Variants in FAM20C observed in about 807,000 individuals in gnomAD.
FAM20C encodes extracellular serine/threonine protein kinase FAM20C.
FAM20C carries 40 observed loss-of-function variants against 51.5 expected under a neutral mutation model. The observed-to-expected ratio is 0.78, with a 90% CI of 0.60 to 1.01. FAM20C has a LOEUF of 1.01. Ranked by LOEUF, FAM20C falls within the 50% of genes least tolerant of loss-of-function variation. The probability of loss-of-function intolerance (pLI) is 0.00; values close to 1 mark genes in which losing one functional copy is unlikely to be tolerated. For missense variants in FAM20C, 861 were observed against 844.7 expected (o/e 1.02, Z -0.24); for synonymous variants, 406 against 380.6 (o/e 1.07, Z -0.78).
intron 5 of FAM20C, among the ~76,000 whole-genome samples, chr7:253,396 G>T (rs187852124): frequency 1.3e-5 from 2 of 152,224 alleles, no homozygotes; most frequent in Non-Finnish European, 2.9e-5. Flanking sequence ...GCCTGTCTGC[G>T]CTCTCCGGGA....
In FAM20C at chr7:218,877, C is replaced by T. The variant is rs910006650; in HGVS notation, c.863+9901C>T. Among the ~76,000 whole-genome samples the T allele has an allele frequency of 3.4e-5, 5 of 149,238 alleles. 1 individual carries two copies. Among genetic ancestry groups the T allele is most frequent in the Non-Finnish European group, 5.9e-5 (4 of 67,256 alleles). ...CCAGGACGCACAGATCACTCCTGTC[C>T]GGCCGGGAGCTGACACGGGCCCAGG... is the stretch of plus-strand genomic sequence containing the variant. On this transcript the variant is annotated intron_variant, in intron 3 of 9. Transcript: ENST00000313766.
Position 195,479 on chromosome 7 carries a change from G to A in FAM20C, c.606-75G>A, listed in dbSNP as rs976448272. 5.2e-5 allele frequency: 68 copies of A among 1,319,544 alleles called. No individual in the cohort carries two copies. The African/African-American group carries it at 8.0e-4, about 15-fold the overall frequency. 81.7% of individuals were successfully genotyped at this position (1,319,544 alleles called of 1,614,324 possible). ...ACCCAAAGTTAAAAACACTGGCGTCGGTGCCCTCTCCCCGTCATCCGACTC... is the reference window on the plus strand; with the variant it reads ...ACCCAAAGTTAAAAACACTGGCGTCAGTGCCCTCTCCCCGTCATCCGACTC... On this transcript the variant is annotated intron_variant, in intron 1 of 9. Coordinates refer to ENST00000313766, the MANE Select transcript of FAM20C (RefSeq NM_020223.4).
intron 2 of FAM20C, chr7:197,101 T>C (rs1051514207): frequency 6.0e-6 from 1 of 167,070 alleles, no homozygotes; most frequent in Non-Finnish European, 1.5e-5. Flanking sequence ...AAATATCCGA[T>C]GCATTGATCA....
intron 6 of FAM20C, chr7:256,328 G>C: frequency 1.7e-6 from 1 of 573,834 alleles, no homozygotes; most frequent in Non-Finnish European, 3.1e-6. Flanking sequence ...CACTCCTGCG[G>C]GAGAAACGGC....
chr7:257,170 G>T, intron 8 of FAM20C, 84 bp downstream of exon 8: 3 of 1,290,424 alleles, frequency 2.3e-6, no homozygotes, highest in Non-Finnish European at 3.2e-6. Context: ...CCCTGGGGAC[G>T]GGGGGAGCAG....
chr7:258,207 CCACTGACTGGGGTGCTGGAGATGGGT>C (rs1562401623), intron 8 of FAM20C, among the ~76,000 whole-genome samples: 1 of 142,292 alleles, frequency 7.0e-6, no homozygotes, highest in African/African-American at 2.9e-5. Context: ...CAGGGTGGAC[CCACTGACTGGGGTGCTGGAGATGGGT>C]GGGGTGGACC....
intron 1 of FAM20C, 26 bp downstream of exon 1, chr7:193,830 C>T: frequency 8.4e-6 from 13 of 1,547,336 alleles, no homozygotes; most frequent in East Asian, 4.9e-5. Flanking sequence ...CAGGTGCCCA[C>T]CCCCAAGGGA....
intron 3 of FAM20C, chr7:227,898 C>T (rs945148474): frequency 3.9e-5 from 6 of 152,840 alleles, no homozygotes; most frequent in East Asian, 1.9e-4. Context: ...TTAAATTGAC[C>T]GTAAGAGGTT....
intron 2 of FAM20C, among the ~76,000 whole-genome samples, chr7:203,843 A>G (rs1244780135): frequency 2.0e-5 from 3 of 152,184 alleles, no homozygotes; most frequent in African/African-American, 7.2e-5. Context: ...CCCTGGAAGG[A>G]GCTGATGAGC....
chr7:253,977 T>TATA (rs1788499317), intron 5 of FAM20C, among the ~76,000 whole-genome samples: 2 of 152,226 alleles, frequency 1.3e-5, no homozygotes, highest in African/African-American at 4.8e-5. Flanking sequence ...CCGACTAATC[T>TATA]GTATCAGCAC....
At chr7:200,671 G>T (rs1022743128) in intron 2 of FAM20C, among the ~76,000 whole-genome samples, 1 of 152,220 alleles carries the variant, frequency 6.6e-6, no homozygotes, top group African/African-American at 2.4e-5. Flanking sequence ...AATAAAAGGG[G>T]CCTTGAAGAA....
chr7:218,073 C>G (rs971700562), intron 3 of FAM20C, among the ~76,000 whole-genome samples: 1 of 152,192 alleles, frequency 6.6e-6, no homozygotes, highest in African/African-American at 2.4e-5. Flanking sequence ...ACGCTCAGGC[C>G]TGCTGCCTGT....
intron 2 of FAM20C, among the ~76,000 whole-genome samples, chr7:207,826 C>A (rs537437870): frequency 6.6e-6 from 1 of 152,226 alleles, no homozygotes; most frequent in South Asian, 2.1e-4. Context: ...TGCCCCAGGC[C>A]GAGGCCAGCC....
chr7:195,461 G>C (rs1785812740), intron 1 of FAM20C, 93 bp from the exon 2 acceptor site: 1 of 1,264,352 alleles, frequency 7.9e-7, no homozygotes, highest in Non-Finnish European at 1.0e-6. Context: ...TGAACCCAAA[G>C]TTAAAAACAC....
At chr7:242,755 C>A (rs1388559385) in intron 3 of FAM20C, among the ~76,000 whole-genome samples, 1 of 152,160 alleles carries the variant, frequency 6.6e-6, no homozygotes, top group Non-Finnish European at 1.5e-5. Context: ...TGGCCACTGG[C>A]TGCCGAGTTG....
intron 8 of FAM20C, 97 bp downstream of exon 8, chr7:257,183 C>A (rs537121362): frequency 5.9e-6 from 7 of 1,182,906 alleles, no homozygotes; most frequent in Admixed American, 2.1e-5. Flanking sequence ...GGGAGCAGAC[C>A]CTCCAGTGGA....
intron 2 of FAM20C, among the ~76,000 whole-genome samples, chr7:198,571 G>C (rs1383422918): frequency 6.6e-6 from 1 of 152,202 alleles, no homozygotes; most frequent in South Asian, 2.1e-4. Context: ...GTTTAATTAT[G>C]GGGTTCTGCC....
At chr7:197,645 C>G (rs181240147) in intron 2 of FAM20C, 1 of 152,598 alleles carries the variant, frequency 6.6e-6, no homozygotes, top group African/African-American at 2.4e-5. Context: ...ACAGTCCCCT[C>G]GTGTGCACAG....
chr7:223,303 G>C (rs1310101321), intron 3 of FAM20C, among the ~76,000 whole-genome samples: 1 of 152,196 alleles, frequency 6.6e-6, no homozygotes, highest in Non-Finnish European at 1.5e-5. Context: ...TGGGCTGCAG[G>C]CTCCACGGCG....
Sources: allele counts gnomAD v4.1 joint callset (sites outside exome capture counted in the v4.1 genomes callset), GRCh38; gene constraint gnomAD v4.1.1; transcripts MANE v1.5; gene names NCBI Gene and HGNC (gene_info 2026-07-23, HGNC 2026-07-21).